The following GIGYF2 variants were observed in gnomAD, a reference collection of about 807,000 sequenced individuals.
GIGYF2 encodes GRB10 interacting GYF protein 2.
Under a neutral mutation model 208.1 loss-of-function variants are expected in GIGYF2, and 25 were observed. That is an observed-to-expected ratio of 0.12 (90% CI 0.09 to 0.17). The LOEUF (loss-of-function observed/expected upper bound fraction) is 0.17. GIGYF2 is among the 10% of genes least tolerant of loss of function. The probability of loss-of-function intolerance (pLI) is 1.00; values close to 1 mark genes in which losing one functional copy is unlikely to be tolerated. For missense variants in GIGYF2, 1,302 were observed against 1,579.4 expected (o/e 0.82, Z 2.98); for synonymous variants, 534 against 543.8 (o/e 0.98, Z 0.25).
At chr2:232,779,792 A>T (rs78778614) in intron 8 of GIGYF2, among the ~76,000 whole-genome samples, 1,875 of 152,296 alleles carry the variant, frequency 0.012, 45 homozygotes, top group African/African-American at 0.042. Context: ...TTTATTCCTC[A>T]GGGAGAAAGT....
Position 232,852,197 on chromosome 2 carries a change from G to T in GIGYF2, c.3832+1788G>T, listed in dbSNP as rs139356562. ...TCTCTCTTTCCCTCAGAGCCTTCCA[G>T]CCCTGGTGAAAACAACATGACAGTA... On this transcript the variant is annotated intron_variant, in intron 28 of 28. Coordinates refer to ENST00000373563, the MANE Select transcript of GIGYF2 (RefSeq NM_001103146.3). 3.8e-3 allele frequency among the ~76,000 whole-genome samples: 575 copies of T among 152,306 alleles called. 7 individuals are homozygous for T. The highest frequency in any genetic ancestry group is 0.014 in the Middle Eastern group (4 of 292).
chr2:232,709,049 G>A (rs1053239123), intron 2 of GIGYF2, among the ~76,000 whole-genome samples: 1 of 152,002 alleles, frequency 6.6e-6, no homozygotes, highest in African/African-American at 2.4e-5. Flanking sequence ...TTGAACCTGG[G>A]AGGTGGAGGT....
intron 1 of GIGYF2, among the ~76,000 whole-genome samples, chr2:232,700,231 TTAACTAATTGC>T (rs1281236757): frequency 1.3e-5 from 2 of 152,212 alleles, no homozygotes; most frequent in African/African-American, 2.4e-5. Context: ...AGGTAGTGTT[TTAACTAATTGC>T]CTTTCTTCCT....
intron 23 of GIGYF2, among the ~76,000 whole-genome samples, chr2:232,843,736 A>G (rs552835368): frequency 2.9e-4 from 44 of 151,896 alleles, no homozygotes; most frequent in African/African-American, 7.7e-4. Flanking sequence ...TTAACCGGGC[A>G]TTGTGGCTTG....
chr2:232,739,366 C>CG (rs1032831730), intron 3 of GIGYF2, among the ~76,000 whole-genome samples: 3 of 128,686 alleles, frequency 2.3e-5, no homozygotes, highest in African/African-American at 9.5e-5. Context: ...AGCAAACCCC[C>CG]CCCCCCCCGC....
chr2:232,724,746 T>G (rs1697121555), intron 2 of GIGYF2: 1 of 152,076 alleles, frequency 6.6e-6, no homozygotes, highest in African/African-American at 2.4e-5. Flanking sequence ...AGAGATGAGC[T>G]CTCACTATGT....
chr2:232,760,140 A>G, intron 6 of GIGYF2: 1 of 170,140 alleles, frequency 5.9e-6, no homozygotes, highest in Non-Finnish European at 1.3e-5. Context: ...ATAAAACAAT[A>G]AAATATTTAA....
intron 12 of GIGYF2, among the ~76,000 whole-genome samples, chr2:232,792,388 C>T (rs1172676108): frequency 2.6e-5 from 4 of 152,070 alleles, no homozygotes; most frequent in African/African-American, 9.7e-5. Context: ...AGAGCTCAAA[C>T]CCAGGAATTT....
chr2:232,817,089 GCTTT>G (rs1700938808), intron 20 of GIGYF2, 57 bp downstream of exon 20: 1 of 1,292,834 alleles, frequency 7.7e-7, no homozygotes, highest in South Asian at 1.2e-5. Flanking sequence ...CTTTCAGGCT[GCTTT>G]CTTTCATCAT....
rs139032291 is a variant in GIGYF2 at position 232,813,719 on chromosome 2, A to G, written c.2107+1228A>G. On this transcript the variant is annotated intron_variant, in intron 18 of 28. Transcript: ENST00000373563. ...TGCAGAAGGATGATTGTCTTCCCTC[A>G]TCGACTTTCCATGCTGTTTGTACCT... is the stretch of plus-strand genomic sequence containing the variant. Among the ~76,000 whole-genome samples the G allele has an allele frequency of 1.1e-3, 165 of 152,152 alleles. 1 individual carries two copies. The highest frequency in any genetic ancestry group is 3.6e-3 in the African/African-American group (151 of 41,514).
chr2:232,790,986 T>A (rs1014934944), intron 10 of GIGYF2, 22 bp from the exon 11 acceptor site: 3 of 1,613,844 alleles, frequency 1.9e-6, no homozygotes, highest in Admixed American at 1.7e-5. Flanking sequence ...TGTTGATCTT[T>A]GGTTTTATTC....
At chr2:232,788,167 T>C (rs1351929721) in intron 9 of GIGYF2, 1 of 153,770 alleles carries the variant, frequency 6.5e-6, no homozygotes, top group East Asian at 1.9e-4. Context: ...CAGGAAATTA[T>C]GATAAGTAAA....
At chr2:232,750,914 T>C (rs945757684) in intron 5 of GIGYF2, among the ~76,000 whole-genome samples, 2 of 152,176 alleles carry the variant, frequency 1.3e-5, no homozygotes, top group Non-Finnish European at 2.9e-5. Flanking sequence ...ACTACAACCT[T>C]GAACTTCTGG....
intron 2 of GIGYF2, chr2:232,729,855 C>T (rs895583663): frequency 2.5e-5 from 18 of 734,406 alleles, no homozygotes; most frequent in Admixed American, 9.0e-5. Flanking sequence ...TTAGCCTCTT[C>T]GTTTCTTCAC....
At chr2:232,824,398 T>A (rs1354379420) in intron 21 of GIGYF2, among the ~76,000 whole-genome samples, 2 of 152,206 alleles carry the variant, frequency 1.3e-5, no homozygotes, top group African/African-American at 4.8e-5. Context: ...AACACATGAA[T>A]GACAAGAAAG....
chr2:232,749,595 T>G (rs1212707854), intron 5 of GIGYF2, among the ~76,000 whole-genome samples: 1 of 152,128 alleles, frequency 6.6e-6, no homozygotes, highest in African/African-American at 2.4e-5. Context: ...TGTTCCTGTT[T>G]ATAGTGTATT....
Position 232,747,723 on chromosome 2 carries a change from A to G in GIGYF2, c.150A>G (p.Ala50=), listed in dbSNP as rs1277099877. 2 of 1,613,902 alleles carry G rather than the reference A, an allele frequency of 1.2e-6. No individual in the cohort carries two copies. Among genetic ancestry groups the G allele is most frequent in the South Asian group, 1.1e-5 (1 of 91,086 alleles). ...DYRYGREEML[A]LFLKDNKIPS... The stretch of plus-strand genomic sequence containing the variant: ...GTTACGGCAGAGAAGAAATGTTAGC[A>G]CTTTTCCTTAAAGACAACAAGGTAA... Residue 50 remains alanine, a synonymous_variant, in exon 4 of 29, where the codon GCA becomes GCG. Coordinates refer to ENST00000373563, the MANE Select transcript of GIGYF2 (RefSeq NM_001103146.3).
chr2:232,736,975 G>A (rs1354011552), intron 3 of GIGYF2, among the ~76,000 whole-genome samples: 1 of 152,186 alleles, frequency 6.6e-6, no homozygotes, highest in Non-Finnish European at 1.5e-5. Context: ...TTAGCTTGAT[G>A]CCTAATATTA....
intron 18 of GIGYF2, among the ~76,000 whole-genome samples, chr2:232,813,238 A>G (rs946260436): frequency 1.5e-5 from 2 of 134,734 alleles, no homozygotes; most frequent in African/African-American, 5.7e-5. Flanking sequence ...TGCCCGGGCT[A>G]GAGTGCAGTG....
Sources: gnomAD v4.1 joint callset for allele counts (sites outside exome capture counted in the v4.1 genomes callset) on GRCh38, gnomAD v4.1.1 for gene constraint, MANE v1.5 for transcripts, NCBI Gene and HGNC (gene_info 2026-07-23, HGNC 2026-07-21) for gene names.